Variants in PTP4A3 observed in about 807,000 individuals in gnomAD.
The protein encoded by PTP4A3 is protein tyrosine phosphatase 4A3, also known as protein tyrosine phosphatase type IVA 3.
PTP4A3 carries 9 observed loss-of-function variants against 15.2 expected under a neutral mutation model. The ratio of observed to expected loss-of-function variants is 0.59; its 90% confidence interval spans 0.36 to 1.03. The LOEUF is 1.03. Among genes scored for constraint, PTP4A3 ranks in the 50% least tolerant of loss-of-function variants. PTP4A3 has a pLI of 0.02. For missense variants in PTP4A3, 234 were observed against 252.1 expected, an observed-to-expected ratio of 0.93 and a Z score of 0.49; for synonymous variants, 95 against 102.0, an observed-to-expected ratio of 0.93 and a Z score of 0.41.
rs922334683 is a variant in PTP4A3, at chr8:141,431,338, C to T, written c.*294C>T. ...GGCGCCCTCTGCCCGCCCCCTCCCA[C>T]ACCAGCCAGGCTGGTCTCCTCTAGC... On this transcript the variant is annotated 3_prime_UTR_variant, in exon 6 of 6. Coordinates refer to ENST00000521578, the MANE Select transcript of PTP4A3 (RefSeq NM_032611.3). 1 of 495,400 alleles carries T rather than the reference C, an allele frequency of 2.0e-6. No homozygotes were observed. The highest frequency in any genetic ancestry group is 5.4e-4 in the Middle Eastern group (1 of 1,860). The allele number at this position is 495,400 out of a possible 1,614,324, so 30.7% of individuals were successfully genotyped here.
chr8:141,417,509 G>A (rs1272009632), intron 1 of PTP4A3, among the ~76,000 whole-genome samples: 1 of 152,120 alleles, frequency 6.6e-6, no homozygotes, highest in East Asian at 1.9e-4. Flanking sequence ...TCCAAAGCTG[G>A]GCGCGCTCTG....
At chr8:141,395,427 C>T (rs1049535894) in intron 1 of PTP4A3, among the ~76,000 whole-genome samples, 2 of 152,196 alleles carry the variant, frequency 1.3e-5, no homozygotes, top group Non-Finnish European at 2.9e-5. Context: ...GTGGCAGCCT[C>T]CTGGTTTGGA....
At chr8:141,413,871 A>AAAGCTGCTGTG (rs1322269274) in intron 1 of PTP4A3, among the ~76,000 whole-genome samples, 1 of 150,786 alleles carries the variant, frequency 6.6e-6, no homozygotes, top group African/African-American at 2.5e-5. Flanking sequence ...AAGATGCGGT[A>AAAGCTGCTGTG]TGGACAGGAG....
At chr8:141,417,576 C>T (rs1833107616) in intron 1 of PTP4A3, among the ~76,000 whole-genome samples, 1 of 152,128 alleles carries the variant, frequency 6.6e-6, no homozygotes, top group South Asian at 2.1e-4. Context: ...GGACCCCCAG[C>T]CCACAGGCCC....
At chr8:141,402,392 A>G (rs1832615191) in intron 1 of PTP4A3, among the ~76,000 whole-genome samples, 2 of 152,104 alleles carry the variant, frequency 1.3e-5, no homozygotes, top group Non-Finnish European at 2.9e-5. Flanking sequence ...TTTCCACTCC[A>G]CAGGATGGGT....
intron 1 of PTP4A3, among the ~76,000 whole-genome samples, chr8:141,410,744 T>C (rs755095075): frequency 6.6e-6 from 1 of 152,072 alleles, no homozygotes; most frequent in Non-Finnish European, 1.5e-5. Flanking sequence ...TTGAGGGATG[T>C]ACCCATCACA....
At chr8:141,393,796 G>A (rs1267412972) in intron 1 of PTP4A3, among the ~76,000 whole-genome samples, 1 of 152,236 alleles carries the variant, frequency 6.6e-6, no homozygotes, top group Non-Finnish European at 1.5e-5. Context: ...CTGGACATGG[G>A]AGGCAGGAGG....
chr8:141,398,872 C>T (rs1051469679), intron 1 of PTP4A3, among the ~76,000 whole-genome samples: 5 of 152,120 alleles, frequency 3.3e-5, no homozygotes, highest in Admixed American at 1.3e-4. Context: ...GCTGCAGGAG[C>T]CTGTTCCCAC....
chr8:141,430,783 C>T (rs1045608192), intron 5 of PTP4A3, 144 bp from the exon 6 acceptor site: 1 of 720,702 alleles, frequency 1.4e-6, no homozygotes, highest in Non-Finnish European at 2.4e-6. Context: ...AGCAGCCGTG[C>T]CAAGGCCCTG....
chr8:141,427,323 C>T (rs371965551), intron 4 of PTP4A3, among the ~76,000 whole-genome samples: 3 of 152,150 alleles, frequency 2.0e-5, no homozygotes, highest in Non-Finnish European at 4.4e-5. Context: ...AAAGGGCTGC[C>T]GTCCCCCTCT....
At chr8:141,417,977 C>T (rs1198649771) in intron 1 of PTP4A3, among the ~76,000 whole-genome samples, 1 of 151,930 alleles carries the variant, frequency 6.6e-6, no homozygotes. Flanking sequence ...TGGGCACCGC[C>T]AGGCCGGCGC....
At chr8:141,414,591 C>T (rs1054857072) in intron 1 of PTP4A3, among the ~76,000 whole-genome samples, 13 of 137,206 alleles carry the variant, frequency 9.5e-5, no homozygotes, top group African/African-American at 3.7e-4. Context: ...GAGGAGAATG[C>T]GGGCACTGAG....
intron 1 of PTP4A3, among the ~76,000 whole-genome samples, chr8:141,415,953 C>G (rs1035188249): frequency 6.6e-6 from 1 of 151,918 alleles, no homozygotes; most frequent in Non-Finnish European, 1.5e-5. Context: ...GACTTGGGCC[C>G]GCTCTGGGAG....
chr8:141,428,088 C>G (rs1222181291), intron 5 of PTP4A3, among the ~76,000 whole-genome samples: 1 of 152,122 alleles, frequency 6.6e-6, no homozygotes, highest in Non-Finnish European at 1.5e-5. Flanking sequence ...ACAGACAGAG[C>G]TCCTTCTGTC....
rs116647247 is a variant in PTP4A3, at chr8:141,427,841, G to T, written c.404+17G>T. 3,469 of 1,547,684 alleles carry T rather than the reference G, an allele frequency of 2.2e-3. 68 individuals carry two copies. The African/African-American group carries it at 0.036, about 16-fold the overall frequency. ...CATCCGCCAGTGAGTGGCCGCGGTGGTGGGGTGGGCTGTGAGCGCTGGGGG... is the reference window on the plus strand; with the variant it reads ...CATCCGCCAGTGAGTGGCCGCGGTGTTGGGGTGGGCTGTGAGCGCTGGGGG... On this transcript the variant is annotated intron_variant, in intron 5 of 5. Coordinates refer to ENST00000521578, the MANE Select transcript of PTP4A3 (RefSeq NM_032611.3).
intron 1 of PTP4A3, among the ~76,000 whole-genome samples, chr8:141,405,360 C>T (rs1007592359): frequency 1.3e-5 from 2 of 152,224 alleles, no homozygotes; most frequent in Non-Finnish European, 2.9e-5. Context: ...AGCAGACGCT[C>T]CTTCCTCCAG....
Position 141,430,978 on chromosome 8 carries a change from C to T in PTP4A3, c.456C>T (p.Tyr152=). The change falls in exon 6 of 6, where the codon TAC becomes TAT. Residue 152 remains tyrosine (Y), a synonymous_variant. Coordinates refer to ENST00000521578, the MANE Select transcript of PTP4A3 (RefSeq NM_032611.3). ...AGCAGCTCACCTACCTGGAGAAATA[C>T]CGGCCCAAACAGAGGCTGCGGTTCA... is the stretch of plus-strand genomic sequence containing the variant. ...NSKQLTYLEK[Y]RPKQRLRFKD... 1 of 1,613,394 alleles carries T rather than the reference C, an allele frequency of 6.2e-7. No individual in the cohort carries two copies. The highest frequency in any genetic ancestry group is 8.5e-7 in the Non-Finnish European group (1 of 1,179,970).
Position 141,416,155 on chromosome 8 carries a change from A to G in PTP4A3, c.-853-5233A>G, listed in dbSNP as rs74521059. On this transcript the variant is annotated intron_variant, in intron 1 of 5. Coordinates refer to ENST00000521578, the MANE Select transcript of PTP4A3 (RefSeq NM_032611.3). ...GAGGCGACGGGCTCTGTCTGGTTGTAGCATCACAGAGCTTGATGGGAACTT... is the reference window on the plus strand; with the variant it reads ...GAGGCGACGGGCTCTGTCTGGTTGTGGCATCACAGAGCTTGATGGGAACTT... Among the ~76,000 whole-genome samples, 13 of 152,202 alleles carry G rather than the reference A, an allele frequency of 8.5e-5. No individual in the cohort carries two copies. In the South Asian group the frequency reaches 2.1e-3, roughly 24 times the overall value.
At chr8:141,426,762 A>G (rs1347997268) in intron 3 of PTP4A3, 177 bp from the exon 4 acceptor site, 1 of 924,338 alleles carries the variant, frequency 1.1e-6, no homozygotes. Context: ...AGCACTCACC[A>G]TGGGGTGCCC....
Sources: allele counts gnomAD v4.1 joint callset (sites outside exome capture counted in the v4.1 genomes callset), GRCh38; gene constraint gnomAD v4.1.1; transcripts MANE v1.5; gene names NCBI Gene and HGNC (gene_info 2026-07-23, HGNC 2026-07-21).